Variants in KATNBL1 observed in about 807,000 individuals in gnomAD.
KATNBL1 encodes the protein KATNB1-like protein 1.
Under a neutral mutation model 44.7 loss-of-function variants are expected in KATNBL1, and 28 were observed. The observed-to-expected ratio is 0.63, with a 90% CI of 0.46 to 0.86. KATNBL1 has a LOEUF of 0.86. Ranked by LOEUF, KATNBL1 falls within the 40% of genes least tolerant of loss-of-function variation. The pLI is 0.00. For synonymous variants in KATNBL1, 78 were observed against 114.9 expected (o/e 0.68, Z 2.06); for missense variants, 272 against 350.7 (o/e 0.78, Z 1.79).
intron 1 of KATNBL1, among the ~76,000 whole-genome samples, chr15:34,184,263 G>A (rs1012109799): frequency 1.3e-5 from 2 of 149,228 alleles, no homozygotes; most frequent in Admixed American, 6.7e-5. Context: ...CCGAGATCGC[G>A]CCACTGCAGT....
intron 9 of KATNBL1, chr15:34,142,865 C>A (rs1024174094): frequency 1.5e-5 from 5 of 335,928 alleles, no homozygotes; most frequent in Non-Finnish European, 2.9e-5. Context: ...GTGTGCACCA[C>A]CACGCCCGGC....
chr15:34,174,456 T>C (rs1889261082), intron 1 of KATNBL1, among the ~76,000 whole-genome samples: 1 of 151,994 alleles, frequency 6.6e-6, no homozygotes, highest in Non-Finnish European at 1.5e-5. Context: ...AAAAATAAAC[T>C]GATAGACTTA....
intron 1 of KATNBL1, among the ~76,000 whole-genome samples, chr15:34,179,377 T>C (rs766627979): frequency 4.6e-5 from 7 of 152,230 alleles, no homozygotes; most frequent in Non-Finnish European, 7.3e-5. Flanking sequence ...AATCTATTCA[T>C]GACAGAGCCC....
Position 34,205,803 on chromosome 15 carries a change from G to A in KATNBL1, c.-15+4148C>T, listed in dbSNP as rs1890279890. Among the ~76,000 whole-genome samples, 5 of 152,088 alleles carry A rather than the reference G, an allele frequency of 3.3e-5. No individual in the cohort carries two copies. The South Asian group carries it at 8.3e-4, about 25-fold the overall frequency. ...ACTAATTACTATTCTACGCACTAGG[G>A]AAACATCAGTGGACCAAACAAAAAT... On this transcript the variant is annotated intron_variant, in intron 1 of 9. Coordinates refer to ENST00000256544, the MANE Select transcript of KATNBL1 (RefSeq NM_024713.3).
chr15:34,163,451 G>T, intron 2 of KATNBL1, 109 bp downstream of exon 2: 2 of 1,281,238 alleles, frequency 1.6e-6, no homozygotes, highest in South Asian at 1.5e-5. Flanking sequence ...AATTCTGGGA[G>T]ATTAAGCAGA....
At chr15:34,169,300 T>C (rs1204281043) in intron 1 of KATNBL1, among the ~76,000 whole-genome samples, 1 of 152,148 alleles carries the variant, frequency 6.6e-6, no homozygotes, top group Admixed American at 6.5e-5. Flanking sequence ...CATCAGAGAA[T>C]ACTATAAACA....
In KATNBL1 at chr15:34,153,716, G is replaced by A. The variant is rs146353478; in HGVS notation, c.159-647C>T. 3.0e-3 allele frequency among the ~76,000 whole-genome samples: 461 copies of A among 152,064 alleles called. 1 individual carries two copies. The highest frequency in any genetic ancestry group is 0.015 in the South Asian group (73 of 4,804). The stretch of plus-strand genomic sequence containing the variant: ...CTCCTGAGTAGCTGGGACTACAGTC[G>A]CGCGCCACCATGCTGAACTAACTTT... On this transcript the variant is annotated intron_variant, in intron 3 of 9. Transcript: ENST00000256544.
At chr15:34,199,211 G>C (rs986406778) in intron 1 of KATNBL1, among the ~76,000 whole-genome samples, 3 of 152,206 alleles carry the variant, frequency 2.0e-5, no homozygotes. Context: ...GGCTGACGTG[G>C]GCGGATCACG....
At chr15:34,159,021 G>A (rs1000274097) in intron 2 of KATNBL1, among the ~76,000 whole-genome samples, 7 of 152,152 alleles carry the variant, frequency 4.6e-5, no homozygotes, top group South Asian at 2.1e-4. Flanking sequence ...TTAAATCAAC[G>A]CTCTCTAACA....
At chr15:34,175,918 A>C (rs1399146153) in intron 1 of KATNBL1, among the ~76,000 whole-genome samples, 1 of 152,218 alleles carries the variant, frequency 6.6e-6, no homozygotes, top group African/African-American at 2.4e-5. Flanking sequence ...CTACATAAAA[A>C]TGCAGAAGAA....
rs754192663 is a variant in KATNBL1, at chr15:34,152,802, C to A, written c.426G>T (p.Gly142=). 5.6e-6 allele frequency: 9 copies of A among 1,607,724 alleles called. No homozygotes were observed. The highest frequency in any genetic ancestry group is 4.5e-5 in the East Asian group (2 of 44,728). The part of the protein sequence containing the change: ...QTESPSSKYS[G]FFSEVSQDHE... Reference sequence around the variant, plus strand: ...AGAAAAGACTTACCTCAGAAAAAAACCCACTATATTTTGATGATGGGCTTT... The same window carrying A: ...AGAAAAGACTTACCTCAGAAAAAAAACCACTATATTTTGATGATGGGCTTT... The change falls in exon 4 of 10, where the codon GGG becomes GGT. Residue 142 remains glycine, a synonymous_variant. Transcript: ENST00000256544.
chr15:34,163,818 A>G (rs766350641), intron 1 of KATNBL1, 128 bp from the exon 2 acceptor site: 1 of 511,252 alleles, frequency 2.0e-6, no homozygotes, highest in Non-Finnish European at 3.3e-6. Flanking sequence ...TTTAATTTAC[A>G]CATTTTTAAA....
chr15:34,201,860 T>A (rs565069912), intron 1 of KATNBL1, among the ~76,000 whole-genome samples: 1 of 152,328 alleles, frequency 6.6e-6, no homozygotes, highest in East Asian at 1.9e-4. Flanking sequence ...ACATCTCTAC[T>A]GAATATGTAG....
Position 34,159,816 on chromosome 15 carries a change from C to A in KATNBL1, c.117+3744G>T, listed in dbSNP as rs1192225954. On this transcript the variant is annotated intron_variant, in intron 2 of 9. Coordinates refer to ENST00000256544, the MANE Select transcript of KATNBL1 (RefSeq NM_024713.3). ...CCGGAATTAATAAATTTGATACTAG[C>A]TGATCAGTTTTTATATTTCACTTGT... is the stretch of plus-strand genomic sequence containing the variant. Among the ~76,000 whole-genome samples the A allele has an allele frequency of 2.6e-5, 4 of 152,170 alleles. No individual in the cohort carries two copies. In the East Asian group the frequency reaches 7.7e-4, roughly 29 times the overall value.
chr15:34,208,452 T>G (rs1890349705), intron 1 of KATNBL1: 1 of 152,268 alleles, frequency 6.6e-6, no homozygotes, highest in South Asian at 2.1e-4. Context: ...TTGAAATTTA[T>G]TCCTTGTCAA....
intron 1 of KATNBL1, among the ~76,000 whole-genome samples, chr15:34,191,176 T>C (rs886215375): frequency 4.0e-5 from 6 of 148,412 alleles, no homozygotes; most frequent in Non-Finnish European, 7.4e-5. Flanking sequence ...TATATATATA[T>C]ATATATATAT....
chr15:34,197,245 G>T (rs556088337), intron 1 of KATNBL1, among the ~76,000 whole-genome samples: 33 of 152,266 alleles, frequency 2.2e-4, no homozygotes, highest in Non-Finnish European at 3.5e-4. Flanking sequence ...TTTTTCTTAC[G>T]TTTAAACTGA....
intron 1 of KATNBL1, among the ~76,000 whole-genome samples, chr15:34,194,439 T>C (rs1889977804): frequency 6.6e-6 from 1 of 151,938 alleles, no homozygotes; most frequent in African/African-American, 2.4e-5. Flanking sequence ...TGAGACCCTG[T>C]CTCTATAAAA....
At chr15:34,202,951 A>C (rs1426594382) in intron 1 of KATNBL1, among the ~76,000 whole-genome samples, 2 of 152,184 alleles carry the variant, frequency 1.3e-5, no homozygotes, top group Non-Finnish European at 2.9e-5. Context: ...AGATCACGCC[A>C]TTGCACTCCA....
Sources: gnomAD v4.1 joint callset for allele counts (sites outside exome capture counted in the v4.1 genomes callset) on GRCh38, gnomAD v4.1.1 for gene constraint, MANE v1.5 for transcripts, NCBI Gene and HGNC (gene_info 2026-07-23, HGNC 2026-07-21) for gene names.